The following EYS variants were observed in gnomAD, a reference collection of about 807,000 sequenced individuals.
EYS encodes EGF-like photoreceptor maintenance factor.
A neutral mutation model predicts 282.1 loss-of-function variants in EYS; 250 were observed. The observed-to-expected ratio is 0.89, with a 90% CI of 0.80 to 0.98. The LOEUF is 0.98. Ranked by LOEUF, EYS falls within the 50% of genes least tolerant of loss-of-function variation. The pLI is 0.00. For missense variants in EYS, 4,016 were observed against 3,709.0 expected (o/e 1.08, Z -2.15); for synonymous variants, 1,355 against 1,282.9 (o/e 1.06, Z -1.20).
At chr6:64,163,453 A>C (rs1775169623) in intron 31 of EYS, among the ~76,000 whole-genome samples, 1 of 152,056 alleles carries the variant, frequency 6.6e-6, no homozygotes, top group Non-Finnish European at 1.5e-5. Context: ...GTCACACCCA[A>C]AAGAAACAAA....
intron 12 of EYS, among the ~76,000 whole-genome samples, chr6:65,177,995 A>G (rs1329657825): frequency 6.6e-6 from 1 of 151,804 alleles, no homozygotes; most frequent in Non-Finnish European, 1.5e-5. Context: ...GGCACTAAGG[A>G]GTTAAAATAA....
At chr6:64,347,646 C>T (rs952970962) in intron 29 of EYS, among the ~76,000 whole-genome samples, 3 of 151,280 alleles carry the variant, frequency 2.0e-5, no homozygotes, top group African/African-American at 7.3e-5. Flanking sequence ...CTGGTGTTTA[C>T]TTTGCTTCTT....
intron 2 of EYS, among the ~76,000 whole-genome samples, chr6:65,564,210 T>C (rs752633714): frequency 1.8e-4 from 27 of 152,160 alleles, no homozygotes; most frequent in Non-Finnish European, 3.4e-4. Context: ...AAGTAATTTA[T>C]AGATTCAATG....
At chr6:65,639,642 A>T (rs1767212216) in intron 2 of EYS, 136 bp downstream of exon 2, 1 of 152,104 alleles carries the variant, frequency 6.6e-6, no homozygotes, top group Non-Finnish European at 1.5e-5. Context: ...ATAAAACCTG[A>T]AATTCTCTAG....
At chr6:65,011,838 G>A (rs116230079) in intron 13 of EYS, among the ~76,000 whole-genome samples, 1,939 of 152,260 alleles carry the variant, frequency 0.013, 22 homozygotes, top group Non-Finnish European at 0.021. Context: ...TCTGTTGCCC[G>A]AGAGCACAGC....
intron 33 of EYS, among the ~76,000 whole-genome samples, chr6:64,013,243 T>G (rs546778835): frequency 1.3e-5 from 2 of 152,270 alleles, no homozygotes; most frequent in South Asian, 2.1e-4. Context: ...TTCCAAGAAC[T>G]GTGATTTTCT....
At chr6:65,659,970 G>T (rs1767950377) in intron 1 of EYS, among the ~76,000 whole-genome samples, 1 of 151,696 alleles carries the variant, frequency 6.6e-6, no homozygotes, top group Non-Finnish European at 1.5e-5. Context: ...GAGTTTAAGA[G>T]AAATTTTCGT....
chr6:64,165,498 A>T (rs1476264044), intron 31 of EYS, among the ~76,000 whole-genome samples: 1 of 152,110 alleles, frequency 6.6e-6, no homozygotes, highest in Non-Finnish European at 1.5e-5. Context: ...CCAATTGTGC[A>T]GGTGGTTTAG....
At chr6:65,469,460 G>A (rs943845591) in intron 5 of EYS, among the ~76,000 whole-genome samples, 1 of 151,860 alleles carries the variant, frequency 6.6e-6, no homozygotes. Flanking sequence ...AGGACATAAT[G>A]TTTTCATATA....
chr6:65,226,672 T>C (rs966676514), intron 12 of EYS, among the ~76,000 whole-genome samples: 5 of 152,168 alleles, frequency 3.3e-5, no homozygotes, highest in Middle Eastern at 3.2e-3. Flanking sequence ...ATATTGTTTA[T>C]AGAAGTATGA....
intron 15 of EYS, among the ~76,000 whole-genome samples, chr6:64,921,146 T>C (rs1275811620): frequency 6.6e-6 from 1 of 152,140 alleles, no homozygotes; most frequent in Non-Finnish European, 1.5e-5. Context: ...AACTATATAC[T>C]CTAATTACTA....
chr6:63,996,527 C>G (rs564694827), intron 34 of EYS, among the ~76,000 whole-genome samples: 1 of 151,868 alleles, frequency 6.6e-6, no homozygotes, highest in South Asian at 2.1e-4. Context: ...TATCCCAGAA[C>G]TTAAAGTAAA....
intron 10 of EYS, among the ~76,000 whole-genome samples, chr6:65,338,068 T>C (rs1770054608): frequency 6.6e-6 from 1 of 151,266 alleles, no homozygotes; most frequent in African/African-American, 2.4e-5. Context: ...AGGGATGTGA[T>C]ATGAACACCT....
chr6:64,302,281 T>C (rs1380396581), intron 30 of EYS, among the ~76,000 whole-genome samples: 1 of 152,182 alleles, frequency 6.6e-6, no homozygotes, highest in Non-Finnish European at 1.5e-5. Flanking sequence ...CAAAGTATCC[T>C]GCAATGCCCA....
At chr6:64,140,745 C>T (rs1319463233) in intron 31 of EYS, among the ~76,000 whole-genome samples, 1 of 152,118 alleles carries the variant, frequency 6.6e-6, no homozygotes, top group Non-Finnish European at 1.5e-5. Context: ...TGCCTTCTCC[C>T]CTTAGGCACT....
intron 2 of EYS, among the ~76,000 whole-genome samples, chr6:65,508,806 C>T (rs1239580097): frequency 1.3e-5 from 2 of 152,164 alleles, no homozygotes; most frequent in African/African-American, 4.8e-5. Flanking sequence ...CTCTTCCTCA[C>T]TGGAGAGTAG....
intron 13 of EYS, among the ~76,000 whole-genome samples, chr6:65,012,190 G>C (rs1305433422): frequency 1.3e-5 from 2 of 152,102 alleles, no homozygotes; most frequent in East Asian, 3.9e-4. Flanking sequence ...ATTATATAAA[G>C]TGGTTGCCAT....
intron 26 of EYS, among the ~76,000 whole-genome samples, chr6:64,493,837 A>T (rs1462313723): frequency 6.6e-6 from 1 of 151,416 alleles, no homozygotes; most frequent in African/African-American, 2.4e-5. Context: ...TTTCTCCTCA[A>T]TTAAGAACTG....
chr6:65,174,337 C>A (rs1765177262), intron 12 of EYS, among the ~76,000 whole-genome samples: 1 of 151,258 alleles, frequency 6.6e-6, no homozygotes, highest in Non-Finnish European at 1.5e-5. Flanking sequence ...TTAAACTAAG[C>A]ACAAGATACA....
Sources: allele counts gnomAD v4.1 joint callset (sites outside exome capture counted in the v4.1 genomes callset), GRCh38; gene constraint gnomAD v4.1.1; transcripts MANE v1.5; gene names NCBI Gene and HGNC (gene_info 2026-07-23, HGNC 2026-07-21).